The following GTSF1 variants were observed in gnomAD, a reference collection of about 807,000 sequenced individuals.
The protein encoded by GTSF1 is gametocyte specific factor 1.
GTSF1 carries 11 observed loss-of-function variants against 28.9 expected under a neutral mutation model. The observed-to-expected ratio is 0.38, with a 90% CI of 0.24 to 0.63. The LOEUF (loss-of-function observed/expected upper bound fraction) is 0.63, where lower values mean the gene tolerates loss of function less well. GTSF1 is among the 30% of genes least tolerant of loss of function. The pLI, the probability that GTSF1 is intolerant of heterozygous loss-of-function variation, is 0.56. For synonymous variants in GTSF1, 69 were observed against 65.6 expected, an observed-to-expected ratio of 1.05 and a Z score of -0.25; for missense variants, 146 against 201.0, an observed-to-expected ratio of 0.73 and a Z score of 1.66.
intron 3 of GTSF1, chr12:54,464,774 G>C (rs1956483509): frequency 5.4e-6 from 1 of 185,902 alleles, no homozygotes; most frequent in Non-Finnish European, 1.1e-5. Context: ...AGATAGGCAG[G>C]ATTTCTCATT....
chr12:54,461,866 T>TG (rs1245574609), intron 6 of GTSF1, among the ~76,000 whole-genome samples: 6 of 152,206 alleles, frequency 3.9e-5, no homozygotes, highest in Non-Finnish European at 8.8e-5. Context: ...CATGAAAGTC[T>TG]GGGGCTACTG....
intron 2 of GTSF1, among the ~76,000 whole-genome samples, chr12:54,465,861 T>C (rs12306350): frequency 0.11 from 16,480 of 152,220 alleles, 1,089 homozygotes; most frequent in African/African-American, 0.18. Context: ...AAGTAGTTCC[T>C]AATCTTGGTT....
intron 2 of GTSF1, among the ~76,000 whole-genome samples, chr12:54,468,244 C>T (rs1283532486): frequency 1.3e-5 from 2 of 151,976 alleles, no homozygotes; most frequent in Non-Finnish European, 2.9e-5. Flanking sequence ...ATTCTTGTGC[C>T]TCCACCCCGC....
intron 6 of GTSF1, among the ~76,000 whole-genome samples, chr12:54,461,181 C>T (rs569753031): frequency 1.4e-4 from 22 of 152,068 alleles, no homozygotes; most frequent in Non-Finnish European, 2.8e-4. Context: ...GCAGCCTCGA[C>T]CTCCTGGGCT....
intron 4 of GTSF1, 74 bp from the exon 5 acceptor site, chr12:54,462,799 A>G: frequency 8.3e-7 from 1 of 1,201,498 alleles, no homozygotes; most frequent in Non-Finnish European, 1.2e-6. Context: ...CTAGTAGCTT[A>G]AAAGGTTGCA....
At position 54,460,406 on chromosome 12, in the gene GTSF1, G is replaced by T. The variant is rs768603113; in HGVS notation, c.458C>A (p.Ser153Tyr). Reference sequence around the variant, plus strand: ...TTTCCATGGCAGAACATACGGCAGAGATTTGGGAACTCGCATGCCTGAAGC... The same window carrying T: ...TTTCCATGGCAGAACATACGGCAGATATTTGGGAACTCGCATGCCTGAAGC... ...NLASGMRVPK[S>Y]LPYVLPWKNN... Residue 153 changes from serine to tyrosine, a missense_variant, in exon 7 of 9, where the codon TCT becomes TAT. Ser to Tyr is a moderately radical substitution (Grantham distance 144, BLOSUM62 -2). Transcript: ENST00000305879. 1.2e-4 allele frequency: 191 copies of T among 1,613,628 alleles called. No individual in the cohort carries two copies. The highest frequency in any genetic ancestry group is 1.5e-4 in the Non-Finnish European group (177 of 1,179,680).
chr12:54,460,616 G>A (rs1025536699), intron 6 of GTSF1, 145 bp from the exon 7 acceptor site: 2 of 620,346 alleles, frequency 3.2e-6, no homozygotes, highest in Non-Finnish European at 5.7e-6. Flanking sequence ...CCATCAAAAC[G>A]TTCCGGCAAT....
chr12:54,466,726 C>T (rs1956518570), intron 2 of GTSF1: 1 of 151,458 alleles, frequency 6.6e-6, no homozygotes, highest in South Asian at 2.1e-4. Flanking sequence ...GAGAGCTTCT[C>T]ATTGTAATGC....
intron 8 of GTSF1, among the ~76,000 whole-genome samples, chr12:54,457,259 G>A (rs1296980905): frequency 6.6e-6 from 1 of 152,188 alleles, no homozygotes; most frequent in African/African-American, 2.4e-5. Flanking sequence ...AAAGAGTTAA[G>A]TCCCAAAGGA....
chr12:54,459,071 TAAAACTGA>T lies in GTSF1; in HGVS notation c.*20+10_*20+17del. 6.4e-7 allele frequency: 1 copy of T among 1,572,506 alleles called. No homozygotes were observed. The highest frequency in any genetic ancestry group is 8.7e-7 in the Non-Finnish European group (1 of 1,149,946). On this transcript the variant is annotated intron_variant, in intron 8 of 8. Coordinates refer to ENST00000305879, the MANE Select transcript of GTSF1 (RefSeq NM_144594.3). ...GCTACCATCTGAAGAGACAGTGAAA[TAAAACTGA>T]AACACTTACTTGATGAGATAGGTAT...
chr12:54,470,957 T>C (rs943920464), intron 2 of GTSF1, among the ~76,000 whole-genome samples: 9 of 152,196 alleles, frequency 5.9e-5, no homozygotes, highest in African/African-American at 2.2e-4. Context: ...GAAGTTACTA[T>C]CCCCGTGTCA....
intron 8 of GTSF1, among the ~76,000 whole-genome samples, chr12:54,458,466 A>T (rs923173069): frequency 6.6e-6 from 1 of 152,134 alleles, no homozygotes; most frequent in African/African-American, 2.4e-5. Context: ...TCTGCCTCCC[A>T]GTTCAGGCGA....
At chr12:54,462,580 TG>T (rs1956441048) in intron 5 of GTSF1, 61 bp downstream of exon 5, 1 of 1,362,646 alleles carries the variant, frequency 7.3e-7, no homozygotes. Context: ...ATCTTCCTTC[TG>T]TCTTAAGCAA....
At position 54,462,679 on chromosome 12, in the gene GTSF1, A is replaced by G; in HGVS notation, c.291T>C (p.Thr97=). 1 of 1,614,156 alleles carries G rather than the reference A, an allele frequency of 6.2e-7. No individual in the cohort carries two copies. The highest frequency in any genetic ancestry group is 8.5e-7 in the Non-Finnish European group (1 of 1,179,990). ...SLRQETLAES[T]WQCPPCDEDW... ...CTTCATCGCAAGGAGGGCACTGCCA[A>G]GTGCTCTCAGCCAGAGTCTCTTGTC... The change falls in exon 5 of 9, where the codon ACT becomes ACC. Residue 97 remains threonine (T), a synonymous_variant. Coordinates refer to ENST00000305879, the MANE Select transcript of GTSF1 (RefSeq NM_144594.3).
Position 54,462,707 on chromosome 12 carries a change from A to G in GTSF1, c.263T>C (p.Leu88Pro). Residue 88 changes from leucine (L) to proline (P), a missense_variant, in exon 5 of 9, where the codon CTT becomes CCT. Transcript: ENST00000305879. ...EQDVVNQTRSLRQETLAESTW... is the reference protein window; with the variant it reads ...EQDVVNQTRSPRQETLAESTW... ...GCTCTCAGCCAGAGTCTCTTGTCTA[A>G]GGCTCCTGGTTTGGTTGACTGCAAG... 6.2e-7 allele frequency: 1 copy of G among 1,613,976 alleles called. No homozygotes were observed. Among genetic ancestry groups the G allele is most frequent in the Non-Finnish European group, 8.5e-7 (1 of 1,179,850 alleles).
chr12:54,469,722 T>G (rs1481237234), intron 2 of GTSF1, among the ~76,000 whole-genome samples: 1 of 143,556 alleles, frequency 7.0e-6, no homozygotes, highest in East Asian at 2.3e-4. Context: ...AGGGTCTTGC[T>G]CTGTCACCCA....
chr12:54,461,052 C>A (rs1444840922), intron 6 of GTSF1, among the ~76,000 whole-genome samples: 1 of 152,098 alleles, frequency 6.6e-6, no homozygotes, highest in African/African-American at 2.4e-5. Flanking sequence ...GAAACTTGAT[C>A]TTCCAAGGTT....
chr12:54,459,201 CA>C, intron 7 of GTSF1, 76 bp from the exon 8 acceptor site: 1 of 1,504,182 alleles, frequency 6.6e-7, no homozygotes, highest in Non-Finnish European at 9.1e-7. Context: ...TTACTAAACA[CA>C]AATGACTTAT....
chr12:54,472,041 T>C (rs1240173496), intron 1 of GTSF1: 1 of 152,246 alleles, frequency 6.6e-6, no homozygotes, highest in Admixed American at 6.5e-5. Context: ...AGTGAGATCC[T>C]GTCTTTAAAA....
Sources: allele counts gnomAD v4.1 joint callset (sites outside exome capture counted in the v4.1 genomes callset), GRCh38; gene constraint gnomAD v4.1.1; transcripts MANE v1.5; gene names NCBI Gene and HGNC (gene_info 2026-07-23, HGNC 2026-07-21).